Variants in LAMA2 observed in about 807,000 individuals in gnomAD.
LAMA2 encodes the protein laminin subunit alpha 2, also known as laminin subunit alpha-2.
Under a neutral mutation model 364.8 loss-of-function variants are expected in LAMA2, and 269 were observed. The ratio of observed to expected loss-of-function variants is 0.74; its 90% CI spans 0.67 to 0.82. LAMA2 has a LOEUF of 0.82. LAMA2 is among the 40% of genes least tolerant of loss of function. LAMA2 has a pLI of 0.00. For synonymous variants in LAMA2, 1,379 were observed against 1,370.6 expected (o/e 1.01, Z -0.14); for missense variants, 3,807 against 3,873.2 (o/e 0.98, Z 0.45).
chr6:129,399,013 T>C (rs985918591), intron 37 of LAMA2, among the ~76,000 whole-genome samples: 18 of 152,222 alleles, frequency 1.2e-4, no homozygotes, highest in Middle Eastern at 3.2e-3. Context: ...ATTCAATGTG[T>C]TGTCCTTCAT....
At chr6:129,043,151 T>C (rs1452938884) in intron 1 of LAMA2, among the ~76,000 whole-genome samples, 1 of 152,182 alleles carries the variant, frequency 6.6e-6, no homozygotes, top group Non-Finnish European at 1.5e-5. Context: ...ACAAACTTTT[T>C]AATATTTGAT....
chr6:129,080,500 C>T lies in LAMA2; in HGVS notation c.397-17673C>T, dbSNP rs142362903. Among the ~76,000 whole-genome samples, 670 of 152,232 alleles carry T rather than the reference C, an allele frequency of 4.4e-3. 6 individuals are homozygous for T. The highest frequency in any genetic ancestry group is 0.015 in the African/African-American group (640 of 41,540). On this transcript the variant is annotated intron_variant, in intron 3 of 64. Transcript: ENST00000421865. ...ACATGTATGGATGTAACCTGAAATG[C>T]TGGGTTGATTATTGAAATGTCCATA...
In LAMA2 at chr6:129,507,584, A is replaced by G; in HGVS notation, c.8799A>G (p.Thr2933=). The G allele has an allele frequency of 1.9e-6, 3 of 1,614,168 alleles. No homozygotes were observed. The Middle Eastern group carries it at 4.9e-4, about 266-fold the overall frequency. Residue 2933 remains threonine (T), a synonymous_variant, in exon 62 of 65, where the codon ACA becomes ACG. Transcript: ENST00000421865. The part of the protein sequence containing the change: ...EQPTSSFHVG[T]CFANAQRGTY... ...CCACCTCCAGCTTCCATGTTGGGAC[A>G]TGTTTTGCAAATGCTCAGAGGGGAA...
At chr6:129,371,356 A>C (rs1778065961) in intron 34 of LAMA2, among the ~76,000 whole-genome samples, 3 of 152,166 alleles carry the variant, frequency 2.0e-5, no homozygotes, top group Admixed American at 2.0e-4. Flanking sequence ...GAAATAAAAT[A>C]AAGTCGGAAG....
chr6:128,916,727 G>A (rs1291061372), intron 1 of LAMA2, among the ~76,000 whole-genome samples: 1 of 152,236 alleles, frequency 6.6e-6, no homozygotes, highest in Non-Finnish European at 1.5e-5. Flanking sequence ...GATGTTGGCA[G>A]CAGTGGCTGT....
In LAMA2 at chr6:129,149,504, T is replaced by C. The variant is rs540617276; in HGVS notation, c.1027+408T>C. ...TTTTTTTCAGCTCACTAAGTATATA[T>C]GGCCTTCAAAAACAGCTTGATAGAC... On this transcript the variant is annotated intron_variant, in intron 7 of 64. Coordinates refer to ENST00000421865, the MANE Select transcript of LAMA2 (RefSeq NM_000426.4). 5.9e-5 allele frequency among the ~76,000 whole-genome samples: 9 copies of C among 152,278 alleles called. No individual in the cohort carries two copies. The East Asian group carries it at 1.7e-3, about 29-fold the overall frequency.
chr6:129,334,899 A>G (rs1447971450), intron 29 of LAMA2, among the ~76,000 whole-genome samples: 1 of 152,128 alleles, frequency 6.6e-6, no homozygotes. Flanking sequence ...ATCTCCTATT[A>G]CTATCACACT....
intron 51 of LAMA2, among the ~76,000 whole-genome samples, chr6:129,466,148 G>A (rs922346711): frequency 6.6e-6 from 1 of 151,864 alleles, no homozygotes; most frequent in Non-Finnish European, 1.5e-5. Context: ...CACCTTCTAA[G>A]TACCATGTAA....
At position 129,465,232 on chromosome 6, in the gene LAMA2, C is replaced by A; in HGVS notation, c.7243C>A (p.Gln2415Lys). The change falls in exon 51 of 65, where the codon CAA (glutamine) becomes AAA (lysine). Residue 2415 changes from glutamine (Q) to lysine (K), a missense_variant. Physicochemically the swap from Gln to Lys is moderately conservative, Grantham distance 53 (BLOSUM62 1). Coordinates refer to ENST00000421865, the MANE Select transcript of LAMA2 (RefSeq NM_000426.4). ...AGGAATGGCTTCCGTTGTCAGCAAT[C>A]AAAACCATAATGATGGGAAATGGAA... is the stretch of plus-strand genomic sequence containing the variant. ...GSGMASVVSN[Q>K]NHNDGKWKSF... 6.2e-7 allele frequency: 1 copy of A among 1,611,586 alleles called. No individual in the cohort carries two copies. Among genetic ancestry groups the A allele is most frequent in the South Asian group, 1.1e-5 (1 of 91,038 alleles).
rs552642006 is a variant in LAMA2, at chr6:129,365,325, A to C, written c.4718-894A>C. Among the ~76,000 whole-genome samples, 10 of 152,310 alleles carry C rather than the reference A, an allele frequency of 6.6e-5. No individual in the cohort carries two copies. The South Asian group carries it at 1.9e-3, about 28-fold the overall frequency. ...ATAAGTCAATAAATATTATCATAAG[A>C]AAACACTATAGAAAGAAAAGTTATT... On this transcript the variant is annotated intron_variant, in intron 32 of 64. Coordinates refer to ENST00000421865, the MANE Select transcript of LAMA2 (RefSeq NM_000426.4).
At chr6:129,506,492 G>A (rs1786085368) in intron 61 of LAMA2, among the ~76,000 whole-genome samples, 1 of 152,088 alleles carries the variant, frequency 6.6e-6, no homozygotes, top group Admixed American at 6.6e-5. Context: ...AATATTGAGA[G>A]GTGCAGTAGT....
chr6:129,391,177 C>T (rs907540073), intron 35 of LAMA2, among the ~76,000 whole-genome samples: 3 of 152,122 alleles, frequency 2.0e-5, no homozygotes, highest in African/African-American at 7.2e-5. Flanking sequence ...TGCTACAGGT[C>T]ACTGTTTTTT....
chr6:129,290,286 AT>A (rs1789603389), intron 19 of LAMA2, among the ~76,000 whole-genome samples: 1 of 152,184 alleles, frequency 6.6e-6, no homozygotes, highest in Non-Finnish European at 1.5e-5. Flanking sequence ...GTATATACAA[AT>A]TCGATAAATC....
At chr6:129,385,357 C>A (rs149810592) in intron 35 of LAMA2, among the ~76,000 whole-genome samples, 1 of 147,168 alleles carries the variant, frequency 6.8e-6, no homozygotes, top group South Asian at 2.2e-4. Context: ...AAGGGAGGGA[C>A]GGAAGGAAGG....
At chr6:129,383,381 A>C in intron 35 of LAMA2, 148 bp downstream of exon 35, 1 of 731,298 alleles carries the variant, frequency 1.4e-6, no homozygotes, top group African/African-American at 1.7e-5. Flanking sequence ...TAAGATATTC[A>C]AGGGTATTAT....
chr6:128,929,898 G>A, intron 1 of LAMA2: 1 of 870,300 alleles, frequency 1.1e-6, no homozygotes. Context: ...TGAGTGTATG[G>A]GATGTGCAGG....
chr6:128,891,133 ATT>A (rs1356220134), intron 1 of LAMA2, among the ~76,000 whole-genome samples: 1 of 152,076 alleles, frequency 6.6e-6, no homozygotes, highest in Non-Finnish European at 1.5e-5. Flanking sequence ...AAGGTATTAG[ATT>A]TTGTTTATCA....
At chr6:129,507,670 GATT>G in intron 62 of LAMA2, 28 bp downstream of exon 62, 2 of 1,608,904 alleles carry the variant, frequency 1.2e-6, no homozygotes, top group African/African-American at 1.3e-5. Context: ...CCTTCCTGTT[GATT>G]ATTAACTAGA....
chr6:129,039,587 C>T lies in LAMA2; in HGVS notation c.113-10331C>T, dbSNP rs367649998. 5.5e-4 allele frequency among the ~76,000 whole-genome samples: 84 copies of T among 152,236 alleles called. No homozygotes were observed. In the South Asian group the frequency reaches 0.016, roughly 29 times the overall value. The stretch of plus-strand genomic sequence containing the variant: ...GGGAAGATTAATGGGAGTAGAGTCA[C>T]GCAGGAAGACTAGGAAGGGCAGTGG... On this transcript the variant is annotated intron_variant, in intron 1 of 64. Coordinates refer to ENST00000421865, the MANE Select transcript of LAMA2 (RefSeq NM_000426.4).
Sources: allele counts gnomAD v4.1 joint callset (sites outside exome capture counted in the v4.1 genomes callset), GRCh38; gene constraint gnomAD v4.1.1; transcripts MANE v1.5; gene names NCBI Gene and HGNC (gene_info 2026-07-23, HGNC 2026-07-21).